Variants in SCUBE3 observed in about 807,000 individuals in gnomAD.
SCUBE3 encodes signal peptide, CUB and EGF-like domain-containing protein 3.
A neutral mutation model predicts 116.8 loss-of-function variants in SCUBE3; 33 were observed. The ratio of observed to expected loss-of-function variants is 0.28; its 90% CI spans 0.21 to 0.38. SCUBE3 has a LOEUF of 0.38. SCUBE3 is among the 10% of genes least tolerant of loss of function. SCUBE3 has a pLI of 1.00. For synonymous variants in SCUBE3, 418 were observed against 496.9 expected (o/e 0.84, Z 2.11); for missense variants, 1,007 against 1,324.8 (o/e 0.76, Z 3.72).
At position 35,250,763 on chromosome 6, in the gene SCUBE3, C is replaced by T. The variant is rs1478073525; in HGVS notation, c.*2058C>T. Reference sequence around the variant, plus strand: ...TCTCCTGGTAACTCACAGAACAGCTCAGGTTCATTTCTAGGTGACTGTCCT... The same window carrying T: ...TCTCCTGGTAACTCACAGAACAGCTTAGGTTCATTTCTAGGTGACTGTCCT... On this transcript the variant is annotated 3_prime_UTR_variant, in exon 22 of 22. Transcript: ENST00000274938. 2.7e-5 allele frequency: 4 copies of T among 146,928 alleles called. No individual in the cohort carries two copies. Among genetic ancestry groups the T allele is most frequent in the African/African-American group, 1.0e-4 (4 of 39,912 alleles). The allele number at this position is 146,928 out of a possible 1,614,324, so 9.1% of individuals were successfully genotyped here.
At chr6:35,246,892 T>C (rs1784363801) in intron 21 of SCUBE3, among the ~76,000 whole-genome samples, 1 of 151,974 alleles carries the variant, frequency 6.6e-6, no homozygotes, top group Admixed American at 6.6e-5. Flanking sequence ...GGCAGGAGAA[T>C]TGCTTGAACT....
rs377315154 is a variant in SCUBE3, at chr6:35,243,004, C to G, written c.1694-17C>G. On this transcript the variant is annotated splice_polypyrimidine_tract_variant and intron_variant, in intron 14 of 21. Coordinates refer to ENST00000274938, the MANE Select transcript of SCUBE3 (RefSeq NM_152753.4). This position sits in a 1 kb window ranked among gnomAD's most constrained non-coding sequence, Gnocchi z 6.6. ...AACTCTTTCTCCTCCCTGATACACA[C>G]GGCCATCCACCACCAGCCAGCTGTG... The G allele has an allele frequency of 3.1e-6, 5 of 1,609,920 alleles. No homozygotes were observed. The highest frequency in any genetic ancestry group is 1.1e-5 in the South Asian group (1 of 90,992).
Position 35,232,952 on chromosome 6 carries a change from C to A in SCUBE3, c.572C>A (p.Thr191Asn), listed in dbSNP as rs1783612620. Residue 191 changes from threonine (T) to asparagine (N), a missense_variant, in exon 5 of 22, where the codon ACC becomes AAC. This residue lies in a region of SCUBE3 where 214 missense variants were observed against 316.7 expected (regional missense o/e 0.68). Coordinates refer to ENST00000274938, the MANE Select transcript of SCUBE3 (RefSeq NM_152753.4). This position sits in a 1 kb window ranked among gnomAD's most constrained non-coding sequence, Gnocchi z 4.2. ...ACECRPGFEL[T>N]KNQRDCKLTC... ...GAATGCCGTCCTGGCTTTGAGCTTA[C>A]CAAGAACCAACGGGACTGTAAATGT... is the stretch of plus-strand genomic sequence containing the variant. 3 of 1,614,014 alleles carry A rather than the reference C, an allele frequency of 1.9e-6. No homozygotes were observed. The highest frequency in any genetic ancestry group is 2.5e-6 in the Non-Finnish European group (3 of 1,180,032).
At chr6:35,216,151 G>A (rs1782883400) in intron 1 of SCUBE3, among the ~76,000 whole-genome samples, 2 of 152,324 alleles carry the variant, frequency 1.3e-5, no homozygotes, top group South Asian at 2.1e-4. Flanking sequence ...GGGGCCCAGG[G>A]GCAGATGGAG....
At chr6:35,248,471 C>A in intron 21 of SCUBE3, 85 bp from the exon 22 acceptor site, 1 of 1,297,024 alleles carries the variant, frequency 7.7e-7, no homozygotes, top group Non-Finnish European at 1.1e-6. Flanking sequence ...GCCTAGTAGA[C>A]ATCAAGAAGG....
chr6:35,246,214 G>C lies in SCUBE3; in HGVS notation c.2761G>C (p.Glu921Gln). 1 of 1,614,104 alleles carries C rather than the reference G, an allele frequency of 6.2e-7. No homozygotes were observed. Among genetic ancestry groups the C allele is most frequent in the Non-Finnish European group, 8.5e-7 (1 of 1,179,976 alleles). Residue 921 changes from glutamate to glutamine, a missense_variant, in exon 21 of 22, where the codon GAG (glutamate) becomes CAG (glutamine). By Grantham distance (29) the Glu-to-Gln change is conservative (BLOSUM62 2). Transcript: ENST00000274938. ...CTTGGTTGACTTTGCAGAGGACTAT[G>C]AGCAGCTGGTAGAAGACATTGTGCG... The part of the protein sequence containing the change: ...IPYVTYDEDY[E>Q]QLVEDIVRDG...
Position 35,244,800 on chromosome 6 carries a change from C to T in SCUBE3, c.2390C>T (p.Ala797Val), listed in dbSNP as rs1784258719. ...GACTTTGATGGCTCTACCAGTGTGG[C>T]CCAATGCAAGAGTACGTGGCAAGCC... Reference protein sequence around the residue: ...STDFDGSTSVAQCKNRQCGGE... With the variant: ...STDFDGSTSVVQCKNRQCGGE... Residue 797 changes from alanine (A) to valine (V), a missense_variant, in exon 18 of 22, where the codon GCC becomes GTC. Physicochemically the swap from Ala to Val is moderately conservative, Grantham distance 64. Coordinates refer to ENST00000274938, the MANE Select transcript of SCUBE3 (RefSeq NM_152753.4). This position sits in a 1 kb window ranked among gnomAD's most constrained non-coding sequence, Gnocchi z 4.3. 1 of 1,614,162 alleles carries T rather than the reference C, an allele frequency of 6.2e-7. No homozygotes were observed.
chr6:35,248,045 C>A (rs1784419054), intron 21 of SCUBE3, among the ~76,000 whole-genome samples: 1 of 152,196 alleles, frequency 6.6e-6, no homozygotes, highest in Non-Finnish European at 1.5e-5. Flanking sequence ...AAGCAAGATA[C>A]AGATCACATT....
chr6:35,241,371 AAGGGTGGAG>A lies in SCUBE3; in HGVS notation c.1195+107_1195+115del, dbSNP rs1305932552. 2.2e-6 allele frequency: 3 copies of A among 1,344,262 alleles called. No individual in the cohort carries two copies. The highest frequency in any genetic ancestry group is 3.1e-6 in the Non-Finnish European group (3 of 960,356). The allele number at this position is 1,344,262 out of a possible 1,614,324, so 83.3% of individuals were successfully genotyped here. ...ACATTGGGGAAAGGTGTGAGGTGGA[AAGGGTGGAG>A]AATGTAGCCATTTTGAGTTAAAGAC... is the stretch of plus-strand genomic sequence containing the variant. On this transcript the variant is annotated intron_variant, in intron 10 of 21. Transcript: ENST00000274938. The surrounding 1 kb of genome is among the most constrained non-coding windows in gnomAD (Gnocchi z 4.1).
In SCUBE3 at chr6:35,241,211, G is replaced by A; in HGVS notation, c.1140G>A (p.Gln380=). The part of the protein sequence containing the change: ...FGCINTPGSY[Q]CTCPAGQGRL... ...GCATCAACACTCCTGGCAGCTACCA[G>A]TGTACCTGCCCAGCAGGCCAGGGTC... The change falls in exon 10 of 22, where the codon CAG becomes CAA. Residue 380 remains glutamine, a synonymous_variant. Transcript: ENST00000274938. The surrounding 1 kb of genome is among the most constrained non-coding windows in gnomAD (Gnocchi z 4.1). 1 of 1,606,164 alleles carries A rather than the reference G, an allele frequency of 6.2e-7. No homozygotes were observed. Among genetic ancestry groups the A allele is most frequent in the Non-Finnish European group, 8.5e-7 (1 of 1,173,398 alleles).
Position 35,235,093 on chromosome 6 carries a change from T to G in SCUBE3, c.712+1792T>G, listed in dbSNP as rs377659891. 2.6e-5 allele frequency among the ~76,000 whole-genome samples: 4 copies of G among 152,320 alleles called. No homozygotes were observed. Among genetic ancestry groups the G allele is most frequent in the African/African-American group, 9.6e-5 (4 of 41,578 alleles). On this transcript the variant is annotated intron_variant, in intron 6 of 21. Transcript: ENST00000274938. This position sits in a 1 kb window ranked among gnomAD's most constrained non-coding sequence, Gnocchi z 4.5. ...GGGAAGACTGAGAAGGCAGTATAGT[T>G]TAGCAGAAAGGGCGGCACCCTTTGG...
chr6:35,230,551 T>C (rs1196871666), intron 3 of SCUBE3, among the ~76,000 whole-genome samples: 2 of 151,670 alleles, frequency 1.3e-5, no homozygotes, highest in African/African-American at 2.4e-5. Flanking sequence ...GGTTAGATAG[T>C]AAGGGAGCAG....
At chr6:35,217,506 A>C (rs540065807) in intron 1 of SCUBE3, among the ~76,000 whole-genome samples, 37 of 150,176 alleles carry the variant, frequency 2.5e-4, no homozygotes, top group Non-Finnish European at 4.7e-4. Context: ...ATGTGGTGGC[A>C]AACAGTGTCT....
chr6:35,214,521 C>T lies in SCUBE3; in HGVS notation c.85+18C>T. 1 of 1,448,782 alleles carries T rather than the reference C, an allele frequency of 6.9e-7. No individual in the cohort carries two copies. Among genetic ancestry groups the T allele is most frequent in the Non-Finnish European group, 9.1e-7 (1 of 1,095,754 alleles). 89.7% of individuals were successfully genotyped at this position (1,448,782 alleles called of 1,614,324 possible). A position where few individuals can be genotyped will look rare whatever the true frequency, so the allele number is the denominator to read the frequency against. ...CGCGCAAGGTAAGGAAGGAGGGGCG[C>T]GCGGCCTGGGGGCTGTCCTGGCTGC... On this transcript the variant is annotated intron_variant, in intron 1 of 21. Transcript: ENST00000274938. This position sits in a 1 kb window ranked among gnomAD's most constrained non-coding sequence, Gnocchi z 6.3.
chr6:35,243,095 T>C lies in SCUBE3; in HGVS notation c.1768T>C (p.Ser590Pro). The stretch of plus-strand genomic sequence containing the variant: ...AGGATCCCTGAAGATGCTCAGAAAG[T>C]CCATCAACCAGGACCGCTTCCTGCT... ...LKGSLKMLRK[S>P]INQDRFLLRL... Residue 590 changes from serine (S) to proline (P), a missense_variant, in exon 15 of 22, where the codon TCC (serine) becomes CCC (proline). This residue lies in a region of SCUBE3 where 544 missense variants were observed against 638.9 expected (regional missense o/e 0.85). Coordinates refer to ENST00000274938, the MANE Select transcript of SCUBE3 (RefSeq NM_152753.4). The surrounding 1 kb of genome is among the most constrained non-coding windows in gnomAD (Gnocchi z 6.6). The C allele has an allele frequency of 1.9e-6, 3 of 1,614,152 alleles. No individual in the cohort carries two copies. The highest frequency in any genetic ancestry group is 2.5e-6 in the Non-Finnish European group (3 of 1,180,024).
chr6:35,243,713 G>A lies in SCUBE3; in HGVS notation c.2029G>A (p.Ala677Thr), dbSNP rs755534723. The change falls in exon 16 of 22, where the codon GCC becomes ACC. Residue 677 changes from alanine to threonine, a missense_variant. Around this residue, in one of 5 missense-constraint regions of SCUBE3, gnomAD observed 544 missense variants for 638.9 expected, o/e 0.85. Coordinates refer to ENST00000274938, the MANE Select transcript of SCUBE3 (RefSeq NM_152753.4). The surrounding 1 kb of genome is among the most constrained non-coding windows in gnomAD (Gnocchi z 6.6). ...CTGCGACCTTTGCCCTGGGAGTGAT[G>A]CCCACGGGCCTCTTGGAGCCACCAA... ...LSCDLCPGSDAHGPLGATNVT... is the reference protein window; with the variant it reads ...LSCDLCPGSDTHGPLGATNVT... 1 of 1,614,134 alleles carries A rather than the reference G, an allele frequency of 6.2e-7. No homozygotes were observed. Among genetic ancestry groups the A allele is most frequent in the South Asian group, 1.1e-5 (1 of 91,076 alleles).
At chr6:35,218,480 A>G (rs1374427560) in intron 1 of SCUBE3, among the ~76,000 whole-genome samples, 5 of 152,110 alleles carry the variant, frequency 3.3e-5, no homozygotes, top group African/African-American at 4.8e-5. Context: ...CTGGTCCCCA[A>G]ATGTCAGGGT....
intron 21 of SCUBE3, among the ~76,000 whole-genome samples, chr6:35,248,336 A>T (rs1450140055): frequency 1.3e-5 from 2 of 152,184 alleles, no homozygotes; most frequent in Non-Finnish European, 2.9e-5. Flanking sequence ...GGATGGCTCC[A>T]AGGATTGGGG....
rs984325088 is a variant in SCUBE3 at position 35,214,751 on chromosome 6, G to C, written c.85+248G>C. On this transcript the variant is annotated intron_variant, in intron 1 of 21. Transcript: ENST00000274938. The surrounding 1 kb of genome is among the most constrained non-coding windows in gnomAD (Gnocchi z 6.3). The stretch of plus-strand genomic sequence containing the variant: ...GGGGGCGGTGGGCAGAAGAGACCAC[G>C]CGCCTCAGAATTCCGCTCGACTTCA... Among the ~76,000 whole-genome samples, 1 of 152,190 alleles carries C rather than the reference G, an allele frequency of 6.6e-6. No homozygotes were observed. The highest frequency in any genetic ancestry group is 1.5e-5 in the Non-Finnish European group (1 of 68,038).
Sources: allele counts gnomAD v4.1 joint callset (sites outside exome capture counted in the v4.1 genomes callset), GRCh38; gene constraint gnomAD v4.1.1; regional missense constraint gnomAD v4.1.1; non-coding constraint Gnocchi (gnomAD v3.1); transcripts MANE v1.5; gene names NCBI Gene and HGNC (gene_info 2026-07-23, HGNC 2026-07-21).